Variants in CDC73 observed in about 807,000 individuals in gnomAD.
CDC73 encodes the protein parafibromin.
CDC73 carries 21 observed loss-of-function variants against 83.7 expected under a neutral mutation model. The ratio of observed to expected loss-of-function variants is 0.25; its 90% CI spans 0.18 to 0.36. The LOEUF (loss-of-function observed/expected upper bound fraction) is 0.36, where lower values mean the gene tolerates loss of function less well. Among genes scored for constraint, CDC73 ranks in the 10% least tolerant of loss-of-function variants. The probability of loss-of-function intolerance (pLI) is 1.00; values close to 1 mark genes in which losing one functional copy is unlikely to be tolerated. For missense variants in CDC73, 342 were observed against 653.3 expected (o/e 0.52, Z 5.19); for synonymous variants, 224 against 212.9 (o/e 1.05, Z -0.45).
chr1:193,216,384 A>C (rs1313039555), intron 13 of CDC73, among the ~76,000 whole-genome samples: 1 of 152,198 alleles, frequency 6.6e-6, no homozygotes, highest in Non-Finnish European at 1.5e-5. Context: ...CTCAAGATTG[A>C]TTTAGGAAGG....
chr1:193,168,853 G>A (rs985993196), intron 10 of CDC73, among the ~76,000 whole-genome samples: 5 of 152,168 alleles, frequency 3.3e-5, no homozygotes, highest in African/African-American at 1.2e-4. Flanking sequence ...GGCAGTCATC[G>A]ACAATAGGTA....
chr1:193,247,962 T>TA (rs879665587), intron 15 of CDC73, among the ~76,000 whole-genome samples: 13 of 152,074 alleles, frequency 8.5e-5, no homozygotes, highest in Admixed American at 7.9e-4. Flanking sequence ...ATCCAGAAGA[T>TA]ACAGTGAATA....
At chr1:193,144,985 A>G (rs986980831) in intron 7 of CDC73, among the ~76,000 whole-genome samples, 2 of 152,190 alleles carry the variant, frequency 1.3e-5, no homozygotes, top group Non-Finnish European at 2.9e-5. Context: ...TTTTCCACCC[A>G]TAAGTAAAGA....
chr1:193,133,940 C>T (rs1675741010), intron 3 of CDC73, among the ~76,000 whole-genome samples: 3 of 150,694 alleles, frequency 2.0e-5, no homozygotes, highest in Admixed American at 2.0e-4. Context: ...AGAAAAAAAT[C>T]TGTAAGTTTG....
At chr1:193,151,750 G>T (rs965451805) in intron 9 of CDC73, among the ~76,000 whole-genome samples, 1 of 151,852 alleles carries the variant, frequency 6.6e-6, no homozygotes, top group African/African-American at 2.4e-5. Flanking sequence ...TGGCAAAACC[G>T]CATCTCTACT....
intron 15 of CDC73, among the ~76,000 whole-genome samples, chr1:193,238,751 G>T (rs753370544): frequency 1.4e-4 from 21 of 152,118 alleles, no homozygotes; most frequent in Non-Finnish European, 1.5e-4. Context: ...AGTAAGTAGA[G>T]AAAAAGAAAA....
chr1:193,241,799 G>T (rs1417846106), intron 15 of CDC73, among the ~76,000 whole-genome samples: 1 of 152,198 alleles, frequency 6.6e-6, no homozygotes, highest in African/African-American at 2.4e-5. Flanking sequence ...GGCGGCAGAA[G>T]GGGAGGACAG....
At chr1:193,223,262 T>C (rs368996674) in intron 13 of CDC73, among the ~76,000 whole-genome samples, 4 of 152,134 alleles carry the variant, frequency 2.6e-5, no homozygotes, top group East Asian at 3.8e-4. Context: ...AATTTACCAA[T>C]TTACTGTTCA....
chr1:193,178,057 A>G (rs1676642187), intron 10 of CDC73, among the ~76,000 whole-genome samples: 1 of 152,220 alleles, frequency 6.6e-6, no homozygotes, highest in African/African-American at 2.4e-5. Context: ...TGTCGGGATG[A>G]AGAAGACACA....
intron 10 of CDC73, among the ~76,000 whole-genome samples, chr1:193,155,907 G>A (rs1375087116): frequency 1.1e-4 from 17 of 152,112 alleles, no homozygotes; most frequent in Admixed American, 9.8e-4. Flanking sequence ...CCCTGAGTTT[G>A]CCCCTACCCT....
intron 7 of CDC73, among the ~76,000 whole-genome samples, chr1:193,144,112 C>CAAAAAAAAAAAAAAA (rs67477778): frequency 4.7e-5 from 3 of 64,382 alleles, no homozygotes; most frequent in Non-Finnish European, 8.4e-5. Context: ...TCTGTCTCAC[C>CAAAAAAAAAAAAAAA]AAAAAAAAAA....
chr1:193,180,492 G>A (rs2103158436), intron 10 of CDC73: 1 of 1,613,962 alleles, frequency 6.2e-7, no homozygotes, highest in Non-Finnish European at 8.5e-7. Flanking sequence ...CATTGGGAGG[G>A]GGTACAGGAT....
chr1:193,123,945 A>G (rs1035709562), intron 1 of CDC73, among the ~76,000 whole-genome samples: 2 of 152,264 alleles, frequency 1.3e-5, no homozygotes, highest in East Asian at 1.9e-4. Flanking sequence ...CACATCCAAC[A>G]AAGTTTTCTT....
intron 3 of CDC73, among the ~76,000 whole-genome samples, chr1:193,132,613 A>ATT (rs778924128): frequency 3.6e-5 from 5 of 138,798 alleles, no homozygotes; most frequent in East Asian, 2.1e-4. Context: ...GTGCCCAGCC[A>ATT]TTTTTTTTTT....
intron 11 of CDC73, among the ~76,000 whole-genome samples, chr1:193,208,221 A>G (rs1558311429): frequency 6.6e-6 from 1 of 151,966 alleles, no homozygotes; most frequent in Non-Finnish European, 1.5e-5. Context: ...TTCCAAATTT[A>G]TCTATTTTTC....
At chr1:193,228,506 A>G (rs1677602183) in intron 13 of CDC73, among the ~76,000 whole-genome samples, 1 of 152,228 alleles carries the variant, frequency 6.6e-6, no homozygotes. Context: ...AATGAAAATA[A>G]TGGAGATTGC....
intron 2 of CDC73, among the ~76,000 whole-genome samples, chr1:193,129,275 T>A (rs1195120953): frequency 6.6e-6 from 1 of 151,674 alleles, no homozygotes; most frequent in Admixed American, 6.6e-5. Flanking sequence ...GGATTACAGG[T>A]GTGAGCCACT....
intron 15 of CDC73, among the ~76,000 whole-genome samples, chr1:193,244,710 G>T (rs1354458735): frequency 1.3e-5 from 2 of 151,954 alleles, no homozygotes; most frequent in Admixed American, 6.6e-5. Flanking sequence ...CCAAATCTTT[G>T]CAAGACTTGT....
chr1:193,252,407 C>T lies in CDC73; in HGVS notation c.*1695C>T, dbSNP rs780431096. The T allele has an allele frequency of 1.7e-5, 4 of 229,630 alleles. No individual in the cohort carries two copies. Among genetic ancestry groups the T allele is most frequent in the Non-Finnish European group, 3.5e-5 (4 of 115,878 alleles). 14.2% of individuals were successfully genotyped at this position (229,630 alleles called of 1,614,324 possible). ...TCTGTAATATTTTTATGTAAGATTA[C>T]TTGTCAAGACTACTACAAGTCAGTA... On this transcript the variant is annotated 3_prime_UTR_variant, in exon 17 of 17. Coordinates refer to ENST00000367435, the MANE Select transcript of CDC73 (RefSeq NM_024529.5).
Sources: allele counts gnomAD v4.1 joint callset (sites outside exome capture counted in the v4.1 genomes callset), GRCh38; gene constraint gnomAD v4.1.1; transcripts MANE v1.5; gene names NCBI Gene and HGNC (gene_info 2026-07-23, HGNC 2026-07-21).